XKR9: variants seen among roughly 807,000 people sequenced by gnomAD.
XKR9 encodes XK related 9.
A neutral mutation model predicts 32.0 loss-of-function variants in XKR9; 32 were observed. The ratio of observed to expected loss-of-function variants is 1.00; its 90% CI spans 0.76 to 1.34. XKR9 has a LOEUF of 1.34. XKR9 is among the 40% of genes most tolerant of loss of function. The pLI is 0.00. For synonymous variants in XKR9, 168 were observed against 143.4 expected (o/e 1.17, Z -1.22); for missense variants, 546 against 429.7 (o/e 1.27, Z -2.39).
At chr8:70,931,550 T>C in the XKR9 span, among the ~76,000 whole-genome samples, 1 of 152,214 alleles carries the variant, frequency 6.6e-6, no homozygotes, top group Non-Finnish European at 1.5e-5. Flanking sequence ...ACAGGTCATG[T>C]GTTAGCCCAT....
chr8:70,678,366 A>G (rs1415826370), intron 2 of XKR9, among the ~76,000 whole-genome samples: 1 of 152,212 alleles, frequency 6.6e-6, no homozygotes, highest in Non-Finnish European at 1.5e-5. Flanking sequence ...GCATGTGATA[A>G]TTTAATACAT....
At chr8:70,865,384 A>T in the XKR9 span, among the ~76,000 whole-genome samples, 1 of 152,092 alleles carries the variant, frequency 6.6e-6, no homozygotes. Context: ...TTTAAAATCT[A>T]ATTTAATGCT....
chr8:70,710,742 AAAAAC>A (rs1805888701), intron 4 of XKR9, among the ~76,000 whole-genome samples: 2 of 151,866 alleles, frequency 1.3e-5, no homozygotes, highest in African/African-American at 4.9e-5. Flanking sequence ...TAAACAAACA[AAAAAC>A]AAAAGCAATT....
Position 70,734,012 on chromosome 8 carries a change from T to A in XKR9, c.710T>A (p.Phe237Tyr). 6.2e-7 allele frequency: 1 copy of A among 1,612,844 alleles called. No homozygotes were observed. Among genetic ancestry groups the A allele is most frequent in the Non-Finnish European group, 8.5e-7 (1 of 1,179,656 alleles). The change falls in exon 5 of 5, where the codon TTT becomes TAT. Residue 237 changes from phenylalanine to tyrosine, a missense_variant. By Grantham distance (22) the Phe-to-Tyr change is conservative. Coordinates refer to ENST00000408926, the MANE Select transcript of XKR9 (RefSeq NM_001011720.2). ...AAGATTGCTTTATTTCTGTTGTTAT[T>A]TCTTTGGTTGTTAGGTATAATATGG... is the stretch of plus-strand genomic sequence containing the variant. ...NVKIALFLLL[F>Y]LWLLGIIWAF...
At chr8:70,787,302 A>C (rs914227197) in intron 2 of XKR9, among the ~76,000 whole-genome samples, 1 of 152,152 alleles carries the variant, frequency 6.6e-6, no homozygotes, top group Non-Finnish European at 1.5e-5. Context: ...TGTTTCTCTA[A>C]AAGTAACCCT....
intron 3 of XKR9, among the ~76,000 whole-genome samples, chr8:70,688,078 T>C (rs1224683501): frequency 5.3e-5 from 8 of 152,210 alleles, no homozygotes; most frequent in Admixed American, 3.9e-4. Flanking sequence ...TAATTGGCAA[T>C]AATAGTTTTC....
the XKR9 span, among the ~76,000 whole-genome samples, chr8:71,025,318 A>G: frequency 0.43 from 65,871 of 152,094 alleles, 15,315 homozygotes; most frequent in Non-Finnish European, 0.53. Flanking sequence ...ACTGCAGAAT[A>G]GTTTGGTTAT....
At chr8:70,930,459 A>G in the XKR9 span, among the ~76,000 whole-genome samples, 3 of 152,228 alleles carry the variant, frequency 2.0e-5, no homozygotes, top group South Asian at 4.1e-4. Context: ...ATGCCTTAGC[A>G]TATTTTTAAA....
At chr8:71,014,588 G>A in the XKR9 span, among the ~76,000 whole-genome samples, 4 of 152,148 alleles carry the variant, frequency 2.6e-5, no homozygotes, top group African/African-American at 9.7e-5. Context: ...AACTGATCCA[G>A]GATGATCTCA....
At chr8:71,001,192 C>T in the XKR9 span, among the ~76,000 whole-genome samples, 4 of 152,282 alleles carry the variant, frequency 2.6e-5, 1 homozygote, top group South Asian at 8.3e-4. Context: ...TGACATGGTG[C>T]AGCCAGTGGA....
the XKR9 span, among the ~76,000 whole-genome samples, chr8:70,799,389 G>A: frequency 6.6e-6 from 1 of 152,010 alleles, no homozygotes; most frequent in Non-Finnish European, 1.5e-5. Context: ...GGAGTGCTGC[G>A]GTGCGATCAC....
At chr8:70,937,506 T>C in the XKR9 span, among the ~76,000 whole-genome samples, 1 of 152,014 alleles carries the variant, frequency 6.6e-6, no homozygotes, top group East Asian at 1.9e-4. Context: ...TAGGATGTCA[T>C]TTTGTTCTAA....
Position 70,735,859 on chromosome 8 carries a change from ATTG to A in XKR9, c.*1442_*1444del, listed in dbSNP as rs1474301512. On this transcript the variant is annotated 3_prime_UTR_variant, in exon 5 of 5. Transcript: ENST00000408926. The stretch of plus-strand genomic sequence containing the variant: ...GTGCCACATTTTCTTAATCCAGTCT[ATTG>A]TTGTTGGACATTTGGGTTGGTTCCA... The A allele has an allele frequency of 2.6e-5, 4 of 151,672 alleles. No individual in the cohort carries two copies. Among genetic ancestry groups the A allele is most frequent in the South Asian group, 2.1e-4 (1 of 4,804 alleles). 9.4% of individuals were successfully genotyped at this position (151,672 alleles called of 1,614,324 possible).
the XKR9 span, among the ~76,000 whole-genome samples, chr8:70,952,510 A>G: frequency 6.6e-6 from 1 of 152,092 alleles, no homozygotes; most frequent in Non-Finnish European, 1.5e-5. Context: ...TCGTTTGTCA[A>G]GTGGCTTTCT....
the XKR9 span, among the ~76,000 whole-genome samples, chr8:70,824,468 C>T: frequency 6.6e-6 from 1 of 152,034 alleles, no homozygotes; most frequent in Non-Finnish European, 1.5e-5. Flanking sequence ...TAAATTTTCT[C>T]ATACCACCTT....
Position 70,734,677 on chromosome 8 carries a change from T to C in XKR9, c.*253T>C. 3.5e-6 allele frequency: 1 copy of C among 287,036 alleles called. No individual in the cohort carries two copies. The highest frequency in any genetic ancestry group is 5.9e-6 in the Non-Finnish European group (1 of 168,084). The allele number at this position is 287,036 out of a possible 1,614,324, so 17.8% of individuals were successfully genotyped here. On this transcript the variant is annotated 3_prime_UTR_variant, in exon 5 of 5. Coordinates refer to ENST00000408926, the MANE Select transcript of XKR9 (RefSeq NM_001011720.2). ...CTTGAGCCTGAAATATAAGAAATGG[T>C]CTGGTTTTCATAATGAGAAGGCTGG...
At chr8:70,813,864 C>G in the XKR9 span, among the ~76,000 whole-genome samples, 1 of 152,158 alleles carries the variant, frequency 6.6e-6, no homozygotes, top group Non-Finnish European at 1.5e-5. Context: ...ACTAGTTCAA[C>G]CATTGTGGAA....
chr8:70,687,844 TCA>T, intron 3 of XKR9, among the ~76,000 whole-genome samples: 1 of 152,328 alleles, frequency 6.6e-6, no homozygotes, highest in South Asian at 2.1e-4. Flanking sequence ...TGAAATTTAT[TCA>T]GACTTGTTTT....
the XKR9 span, among the ~76,000 whole-genome samples, chr8:70,868,354 G>T: frequency 6.6e-6 from 1 of 152,008 alleles, no homozygotes; most frequent in South Asian, 2.1e-4. Context: ...ACAAACTTCT[G>T]CTTGGGCATG....
Sources: gnomAD v4.1 joint callset for allele counts (sites outside exome capture counted in the v4.1 genomes callset) on GRCh38, gnomAD v4.1.1 for gene constraint, MANE v1.5 for transcripts, NCBI Gene and HGNC (gene_info 2026-07-23, HGNC 2026-07-21) for gene names.